Variants in NPLOC4 observed in about 807,000 individuals in gnomAD.
NPLOC4 encodes the protein nuclear protein localization protein 4 homolog.
NPLOC4 carries 18 observed loss-of-function variants against 80.6 expected under a neutral mutation model. That is an observed-to-expected ratio of 0.22 (90% CI 0.15 to 0.33). The LOEUF (loss-of-function observed/expected upper bound fraction) is 0.33. NPLOC4 is among the 10% of genes least tolerant of loss of function. The probability of loss-of-function intolerance (pLI) is 1.00; values close to 1 mark genes in which losing one functional copy is unlikely to be tolerated. For missense variants in NPLOC4, 540 were observed against 786.1 expected (o/e 0.69, Z 3.74); for synonymous variants, 313 against 301.5 (o/e 1.04, Z -0.39).
Position 81,567,304 on chromosome 17 carries a change from T to C in NPLOC4, c.1566+113A>G, listed in dbSNP as rs2034038418. ...GGGGGACAACCTGTGACCCCGAGCT[T>C]TGACCCAGTTTCCCAATCATGCTCT... On this transcript the variant is annotated intron_variant, in intron 15 of 16. Transcript: ENST00000331134. This position sits in a 1 kb window ranked among gnomAD's most constrained non-coding sequence, Gnocchi z 4.5. The C allele has an allele frequency of 1.5e-6, 1 of 682,284 alleles. No individual in the cohort carries two copies. The highest frequency in any genetic ancestry group is 1.8e-5 in the African/African-American group (1 of 55,820). 42.3% of individuals were successfully genotyped at this position (682,284 alleles called of 1,614,324 possible). A position where few individuals can be genotyped will look rare whatever the true frequency, so the allele number is the denominator to read the frequency against.
At chr17:81,627,473 C>G (rs960588712) in intron 2 of NPLOC4, among the ~76,000 whole-genome samples, 2 of 151,854 alleles carry the variant, frequency 1.3e-5, no homozygotes, top group African/African-American at 4.8e-5. Context: ...GGTGCAGTGG[C>G]TCACGCCTGT....
intron 3 of NPLOC4, among the ~76,000 whole-genome samples, chr17:81,619,216 A>C (rs907703705): frequency 2.4e-4 from 36 of 151,876 alleles, no homozygotes; most frequent in African/African-American, 7.0e-4. Flanking sequence ...AAAAAAAAAA[A>C]AACACAAAAA....
chr17:81,636,851 G>A lies in NPLOC4; in HGVS notation c.15+65C>T, dbSNP rs2036093184. 3 of 1,371,246 alleles carry A rather than the reference G, an allele frequency of 2.2e-6. No homozygotes were observed. The South Asian group carries it at 4.9e-5, about 22-fold the overall frequency. The allele number at this position is 1,371,246 out of a possible 1,614,324, so 84.9% of individuals were successfully genotyped here. On this transcript the variant is annotated intron_variant, in intron 1 of 16. Transcript: ENST00000331134. Reference sequence around the variant, plus strand: ...GCCGGCAGGCCCGCCTCCCCCACAGGCCGAGGCCGGCAAATCTGCTGCCTC... The same window carrying A: ...GCCGGCAGGCCCGCCTCCCCCACAGACCGAGGCCGGCAAATCTGCTGCCTC...
In NPLOC4 at chr17:81,559,370, G is replaced by A. The variant is rs368004865; in HGVS notation, c.1716C>T (p.Val572=). The A allele has an allele frequency of 3.5e-4, 569 of 1,609,358 alleles. 2 individuals carry two copies. Among genetic ancestry groups the A allele is most frequent in the African/African-American group, 1.0e-3 (76 of 74,966 alleles). Residue 572 remains valine (V), a synonymous_variant, in exon 17 of 17, where the codon GTC becomes GTT. Transcript: ENST00000331134. ...QLPGLHEYGA[V]GGSTHTATAA... Reference sequence around the variant, plus strand: ...CAGTGGCCGTGTGTGTGGAGCCCCCGACGGCGCCGTACTCATGGAGACCTG... The same window carrying A: ...CAGTGGCCGTGTGTGTGGAGCCCCCAACGGCGCCGTACTCATGGAGACCTG...
chr17:81,575,350 C>G (rs545861069), intron 12 of NPLOC4, among the ~76,000 whole-genome samples: 8 of 152,348 alleles, frequency 5.3e-5, no homozygotes, highest in African/African-American at 1.9e-4. Flanking sequence ...ATCCACCCGC[C>G]TTGGCCTCCC....
Position 81,626,950 on chromosome 17 carries a change from C to T in NPLOC4, c.96+2775G>A, listed in dbSNP as rs541407479. 1.8e-3 allele frequency among the ~76,000 whole-genome samples: 265 copies of T among 151,296 alleles called. 2 individuals carry two copies. Among genetic ancestry groups the T allele is most frequent in the African/African-American group, 6.2e-3 (255 of 41,156 alleles). Reference sequence around the variant, plus strand: ...ACTAAAAATACAAAAATCAGCTGGGCATGGTGGTGCGAGCCTGTAGTCCCA... The same window carrying T: ...ACTAAAAATACAAAAATCAGCTGGGTATGGTGGTGCGAGCCTGTAGTCCCA... On this transcript the variant is annotated intron_variant, in intron 2 of 16. Transcript: ENST00000331134.
intron 11 of NPLOC4, among the ~76,000 whole-genome samples, chr17:81,594,497 C>G (rs555309893): frequency 1.3e-5 from 2 of 152,082 alleles, no homozygotes; most frequent in East Asian, 3.9e-4. Context: ...AAAAATTAGG[C>G]CAGGCGCAGT....
intron 1 of NPLOC4, 48 bp from the exon 2 acceptor site, chr17:81,629,853 TG>T: frequency 7.3e-7 from 1 of 1,365,718 alleles, no homozygotes; most frequent in South Asian, 1.2e-5. Context: ...AGTGAGGTCC[TG>T]ATCTAATACT....
intron 16 of NPLOC4, chr17:81,563,536 C>A (rs1447659433): frequency 2.0e-5 from 4 of 203,364 alleles, no homozygotes; most frequent in Non-Finnish European, 3.0e-5. Context: ...CTCCACTGCA[C>A]TCCAGCCTAG....
intron 1 of NPLOC4, among the ~76,000 whole-genome samples, chr17:81,630,959 G>C (rs2035912299): frequency 1.3e-5 from 2 of 152,086 alleles, no homozygotes; most frequent in Non-Finnish European, 2.9e-5. Context: ...GATCACCTGA[G>C]GTCAGGAGTT....
chr17:81,622,553 C>A lies in NPLOC4; in HGVS notation c.97-275G>T, dbSNP rs549173059. On this transcript the variant is annotated intron_variant, in intron 2 of 16. Coordinates refer to ENST00000331134, the MANE Select transcript of NPLOC4 (RefSeq NM_017921.4). The stretch of plus-strand genomic sequence containing the variant: ...CTTTGAAGCAAACAAGAGTTAATGG[C>A]TATCCTTGTTTTGTTTTCAGACAGT... 4.6e-5 allele frequency among the ~76,000 whole-genome samples: 7 copies of A among 152,256 alleles called. No individual in the cohort carries two copies. In the South Asian group the frequency reaches 1.2e-3, roughly 27 times the overall value.
chr17:81,560,797 C>T (rs1028861344), intron 16 of NPLOC4: 1 of 152,196 alleles, frequency 6.6e-6, no homozygotes, highest in African/African-American at 2.4e-5. Flanking sequence ...ACAGTTCTCG[C>T]GAGGGTGGCA....
At chr17:81,631,421 C>CATATATATAT (rs1415379403) in intron 1 of NPLOC4, among the ~76,000 whole-genome samples, 39 of 49,422 alleles carry the variant, frequency 7.9e-4, no homozygotes, top group African/African-American at 4.2e-3. Flanking sequence ...TTAAAGTGTA[C>CATATATATAT]ATATATATAT....
intron 11 of NPLOC4, among the ~76,000 whole-genome samples, chr17:81,591,885 A>C (rs1171962053): frequency 6.6e-6 from 1 of 152,216 alleles, no homozygotes; most frequent in East Asian, 1.9e-4. Flanking sequence ...CCAGCAAGTA[A>C]TTTTAACAGC....
chr17:81,606,891 T>A, intron 6 of NPLOC4, 77 bp from the exon 7 acceptor site: 4 of 1,367,290 alleles, frequency 2.9e-6, no homozygotes, highest in Non-Finnish European at 4.1e-6. Flanking sequence ...ATGCTAAGTA[T>A]CTTATACCTC....
chr17:81,624,473 C>G (rs2035745758), intron 2 of NPLOC4, among the ~76,000 whole-genome samples: 1 of 152,098 alleles, frequency 6.6e-6, no homozygotes, highest in African/African-American at 2.4e-5. Flanking sequence ...GTGGTGCACG[C>G]CTACAGTCCC....
chr17:81,604,592 G>A lies in NPLOC4; in HGVS notation c.790C>T (p.Leu264Phe). 6.2e-7 allele frequency: 1 copy of A among 1,613,730 alleles called. No individual in the cohort carries two copies. The change falls in exon 8 of 17, where the codon CTT (leucine) becomes TTT (phenylalanine). Residue 264 changes from leucine (L) to phenylalanine (F), a missense_variant. Leu to Phe is a conservative substitution (Grantham distance 22). Coordinates refer to ENST00000331134, the MANE Select transcript of NPLOC4 (RefSeq NM_017921.4). ...GCAGCCACTTCAGCCCTGATGCCAAGGGGAATGTCTTTGTGCTCCGTGTAC... is the reference window on the plus strand; with the variant it reads ...GCAGCCACTTCAGCCCTGATGCCAAAGGGAATGTCTTTGTGCTCCGTGTAC... The part of the protein sequence containing the change: ...GRYTEHKDIP[L>F]GIRAEVAAIY...
chr17:81,618,474 C>A (rs1421757121), intron 3 of NPLOC4, among the ~76,000 whole-genome samples: 5 of 135,436 alleles, frequency 3.7e-5, no homozygotes, highest in African/African-American at 1.4e-4. Flanking sequence ...CCACCCCGTC[C>A]GGGAGGAAGG....
chr17:81,579,271 G>C (rs1402285964), intron 12 of NPLOC4, among the ~76,000 whole-genome samples: 2 of 152,220 alleles, frequency 1.3e-5, no homozygotes, highest in Admixed American at 1.3e-4. Context: ...CCAAGTACCT[G>C]GGAAGCTGTG....
Sources: gnomAD v4.1 joint callset for allele counts (sites outside exome capture counted in the v4.1 genomes callset) on GRCh38, gnomAD v4.1.1 for gene constraint, Gnocchi (gnomAD v3.1) non-coding constraint, MANE v1.5 for transcripts, NCBI Gene and HGNC (gene_info 2026-07-23, HGNC 2026-07-21) for gene names.